TAF3: variants seen among roughly 807,000 people sequenced by gnomAD.
The protein encoded by TAF3 is transcription initiation factor TFIID subunit 3.
In TAF3, 7 loss-of-function variants were observed where a neutral mutation model predicts 80.6. The ratio of observed to expected loss-of-function variants is 0.09; its 90% CI spans 0.05 to 0.16. The LOEUF (loss-of-function observed/expected upper bound fraction) is 0.16. Among genes scored for constraint, TAF3 ranks in the 10% least tolerant of loss-of-function variants. The pLI is 1.00. For synonymous variants in TAF3, 444 were observed against 446.1 expected, an observed-to-expected ratio of 1.00 and a Z score of 0.06; for missense variants, 921 against 1,140.2, an observed-to-expected ratio of 0.81 and a Z score of 2.77.
chr10:7,995,050 A>G (rs992121817), intron 4 of TAF3, among the ~76,000 whole-genome samples: 8 of 152,076 alleles, frequency 5.3e-5, no homozygotes, highest in Non-Finnish European at 1.0e-4. Flanking sequence ...GAGTTATTCA[A>G]CAAGAATTAT....
chr10:7,968,113 A>G (rs533429398), intron 3 of TAF3, among the ~76,000 whole-genome samples: 1 of 152,328 alleles, frequency 6.6e-6, no homozygotes, highest in South Asian at 2.1e-4. Flanking sequence ...AATCTACAGA[A>G]GTAAGGCACC....
chr10:7,832,200 A>C (rs915121873), intron 2 of TAF3, among the ~76,000 whole-genome samples: 9 of 151,886 alleles, frequency 5.9e-5, no homozygotes, highest in African/African-American at 2.2e-4. Context: ...CCACATCCCC[A>C]CATCCCCTGC....
chr10:7,824,641 CT>C (rs1161510345), intron 2 of TAF3, 81 bp downstream of exon 2: 35 of 1,479,054 alleles, frequency 2.4e-5, no homozygotes, highest in Non-Finnish European at 3.2e-5. Context: ...GCTATGTCAA[CT>C]TTATAAATTC....
intron 4 of TAF3, among the ~76,000 whole-genome samples, chr10:7,983,506 G>A (rs1030574286): frequency 6.6e-6 from 1 of 152,236 alleles, no homozygotes; most frequent in Non-Finnish European, 1.5e-5. Flanking sequence ...GACTTGGAAG[G>A]CCTTTTGCTT....
At chr10:7,962,839 G>A (rs1265306708) in intron 2 of TAF3, among the ~76,000 whole-genome samples, 2 of 152,156 alleles carry the variant, frequency 1.3e-5, no homozygotes, top group Non-Finnish European at 2.9e-5. Flanking sequence ...TTTTAGTTGT[G>A]ATTTATTTCT....
intron 2 of TAF3, among the ~76,000 whole-genome samples, chr10:7,848,606 G>C (rs1023764872): frequency 6.6e-6 from 1 of 152,108 alleles, no homozygotes; most frequent in East Asian, 1.9e-4. Context: ...TATGAAGCAG[G>C]GATGGACTTA....
At chr10:7,878,346 A>G (rs1490102411) in intron 2 of TAF3, among the ~76,000 whole-genome samples, 1 of 152,198 alleles carries the variant, frequency 6.6e-6, no homozygotes, top group Non-Finnish European at 1.5e-5. Context: ...AGTGTGAAAA[A>G]CATCTCTCCT....
intron 2 of TAF3, among the ~76,000 whole-genome samples, chr10:7,829,402 C>T (rs754788376): frequency 1.7e-4 from 26 of 152,132 alleles, no homozygotes; most frequent in Admixed American, 5.2e-4. Context: ...GGATCCCATC[C>T]AGGATATCAT....
chr10:7,993,880 CTTTTTT>C (rs953356058), intron 4 of TAF3, among the ~76,000 whole-genome samples: 6 of 104,418 alleles, frequency 5.7e-5, no homozygotes, highest in South Asian at 3.7e-4. Flanking sequence ...AATATACAAT[CTTTTTT>C]TTTTTTTTTT....
At chr10:8,012,951 A>G (rs1157015468) in intron 5 of TAF3, among the ~76,000 whole-genome samples, 3 of 152,220 alleles carry the variant, frequency 2.0e-5, no homozygotes, top group Non-Finnish European at 4.4e-5. Context: ...AATGCCCATC[A>G]GTGAATTAAT....
At chr10:7,976,753 A>G (rs962658136) in intron 3 of TAF3, among the ~76,000 whole-genome samples, 13 of 152,272 alleles carry the variant, frequency 8.5e-5, no homozygotes, top group African/African-American at 2.6e-4. Flanking sequence ...CTAGCCAAAA[A>G]TTGAACAGTT....
intron 4 of TAF3, among the ~76,000 whole-genome samples, chr10:7,998,241 CTATATATATATATATATATATATG>C (rs1195884804): frequency 4.5e-5 from 6 of 134,436 alleles, no homozygotes; most frequent in African/African-American, 1.7e-4. Context: ...TGAGTGAGAA[CTATATATATATATATATATATATG>C]TATATATATA....
At chr10:7,819,791 G>A (rs1836671776) in intron 1 of TAF3, among the ~76,000 whole-genome samples, 1 of 152,112 alleles carries the variant, frequency 6.6e-6, no homozygotes, top group Non-Finnish European at 1.5e-5. Flanking sequence ...GTGTTTCATA[G>A]GATATTTTGT....
chr10:7,877,776 T>C (rs1183774063), intron 2 of TAF3, among the ~76,000 whole-genome samples: 1 of 152,206 alleles, frequency 6.6e-6, no homozygotes, highest in Non-Finnish European at 1.5e-5. Flanking sequence ...GACAGACATA[T>C]AGAGTGAGGT....
At chr10:7,946,135 A>G (rs1479442487) in intron 2 of TAF3, among the ~76,000 whole-genome samples, 2 of 152,254 alleles carry the variant, frequency 1.3e-5, no homozygotes, top group East Asian at 3.9e-4. Flanking sequence ...ATCTTTCTCG[A>G]AACTAGATCA....
chr10:7,963,687 G>A (rs10905263), intron 2 of TAF3, among the ~76,000 whole-genome samples: 54,069 of 151,772 alleles, frequency 0.36, 10,795 homozygotes, highest in Admixed American at 0.48. Flanking sequence ...GAGGGATAGC[G>A]TTAGGAGAAA....
chr10:7,881,354 G>C (rs1239357429), intron 2 of TAF3, among the ~76,000 whole-genome samples: 2 of 151,724 alleles, frequency 1.3e-5, no homozygotes, highest in African/African-American at 4.8e-5. Flanking sequence ...CAATATCCTA[G>C]GTTCCTAAAC....
chr10:7,964,566 C>T lies in TAF3; in HGVS notation c.1056C>T (p.Ile352=). 2 of 1,614,000 alleles carry T rather than the reference C, an allele frequency of 1.2e-6. No homozygotes were observed. The highest frequency in any genetic ancestry group is 1.7e-6 in the Non-Finnish European group (2 of 1,179,980). ...RTPSATLSEK[I]SKETIQVKQI... ...CTTCAGCTACACTCAGTGAAAAAAT[C>T]AGTAAAGAGACTATCCAGGTAAAAC... Residue 352 remains isoleucine (I), a synonymous_variant, in exon 3 of 7, where the codon ATC becomes ATT. Coordinates refer to ENST00000344293, the MANE Select transcript of TAF3 (RefSeq NM_031923.4). The surrounding 1 kb of genome is among the most constrained non-coding windows in gnomAD (Gnocchi z 4.1).
chr10:7,923,236 T>A (rs1451954602), intron 2 of TAF3, among the ~76,000 whole-genome samples: 1 of 152,048 alleles, frequency 6.6e-6, no homozygotes, highest in Non-Finnish European at 1.5e-5. Flanking sequence ...TTCAACTTAG[T>A]GTTTAAAAAA....
Sources: allele counts gnomAD v4.1 joint callset (sites outside exome capture counted in the v4.1 genomes callset), GRCh38; gene constraint gnomAD v4.1.1; non-coding constraint Gnocchi (gnomAD v3.1); transcripts MANE v1.5; gene names NCBI Gene and HGNC (gene_info 2026-07-23, HGNC 2026-07-21).